HS6ST2: variants seen among roughly 807,000 people sequenced by gnomAD.
HS6ST2 encodes the protein heparan-sulfate 6-O-sulfotransferase 2.
HS6ST2 carries 17 observed loss-of-function variants against 33.0 expected under a neutral mutation model. The ratio of observed to expected loss-of-function variants is 0.52; its 90% CI spans 0.35 to 0.77. The LOEUF (loss-of-function observed/expected upper bound fraction) is 0.77. Among genes scored for constraint, HS6ST2 ranks in the 30% least tolerant of loss-of-function variants. The pLI, the probability that HS6ST2 is intolerant of heterozygous loss-of-function variation, is 0.01. For synonymous variants in HS6ST2, 248 were observed against 237.1 expected (o/e 1.05, Z -0.42); for missense variants, 519 against 551.7 (o/e 0.94, Z 0.59).
chrX:132,898,054 T>C (rs938871850), intron 2 of HS6ST2, among the ~76,000 whole-genome samples: 4 of 110,477 alleles, frequency 3.6e-5, no homozygotes, highest in African/African-American at 1.3e-4. Flanking sequence ...GTGGCGTCAT[T>C]AGATTCTTAT....
At chrX:132,782,417 A>AGAAGGAG (rs1282682340) in intron 2 of HS6ST2, among the ~76,000 whole-genome samples, 34 of 112,009 alleles carry the variant, frequency 3.0e-4, no homozygotes, top group African/African-American at 1.1e-3. Flanking sequence ...CCTCACTTAA[A>AGAAGGAG]GAAGGAGTCT....
intron 2 of HS6ST2, among the ~76,000 whole-genome samples, chrX:132,927,765 G>A (rs778828753): frequency 2.7e-5 from 3 of 109,604 alleles, no homozygotes; most frequent in East Asian, 5.7e-4. Flanking sequence ...GCTGAGAGGG[G>A]AGGATCGCTT....
chrX:132,846,745 T>C (rs1426693890), intron 2 of HS6ST2, among the ~76,000 whole-genome samples: 2 of 110,670 alleles, frequency 1.8e-5, no homozygotes, highest in Non-Finnish European at 3.8e-5. Flanking sequence ...ATTTGGAGAC[T>C]CCATTTGCAG....
intron 4 of HS6ST2, among the ~76,000 whole-genome samples, chrX:132,657,041 G>T (rs2063735330): frequency 9.0e-6 from 1 of 111,584 alleles, no homozygotes; most frequent in South Asian, 3.8e-4. Flanking sequence ...GAATTGGAAT[G>T]AAGAATGGCT....
chrX:132,949,647 T>C (rs1040868693), intron 2 of HS6ST2, among the ~76,000 whole-genome samples: 1 of 111,257 alleles, frequency 9.0e-6, no homozygotes, highest in African/African-American at 3.3e-5. Flanking sequence ...CTGTGTGCAA[T>C]TAATCACAGC....
At chrX:132,859,437 A>G (rs2065886542) in intron 2 of HS6ST2, among the ~76,000 whole-genome samples, 1 of 111,024 alleles carries the variant, frequency 9.0e-6, no homozygotes, top group Non-Finnish European at 1.9e-5. Context: ...TGCAGGATAC[A>G]TGCACTCGAA....
At chrX:132,843,067 T>G (rs747692210) in intron 2 of HS6ST2, among the ~76,000 whole-genome samples, 1 of 111,573 alleles carries the variant, frequency 9.0e-6, no homozygotes, top group Non-Finnish European at 1.9e-5. Context: ...GGAGGTTATC[T>G]CCACCTCCTA....
intron 2 of HS6ST2, among the ~76,000 whole-genome samples, chrX:132,927,877 A>G (rs1196790139): frequency 1.8e-5 from 2 of 110,073 alleles, no homozygotes; most frequent in East Asian, 5.6e-4. Flanking sequence ...AAAAAAAAGA[A>G]AAGAAAAGAA....
chrX:132,723,651 GGTA>G (rs1352856600), intron 2 of HS6ST2, among the ~76,000 whole-genome samples: 1 of 111,118 alleles, frequency 9.0e-6, no homozygotes, highest in Admixed American at 9.6e-5. Flanking sequence ...CAAAAAACTG[GGTA>G]TACAAGGAAC....
At chrX:132,743,267 G>A (rs2064599224) in intron 2 of HS6ST2, among the ~76,000 whole-genome samples, 1 of 112,160 alleles carries the variant, frequency 8.9e-6, no homozygotes. Context: ...CCTTACAATA[G>A]GACCTTGGGG....
intron 2 of HS6ST2, among the ~76,000 whole-genome samples, chrX:132,905,594 C>T (rs1020259810): frequency 5.4e-5 from 6 of 111,623 alleles, no homozygotes; most frequent in Non-Finnish European, 1.1e-4. Context: ...ACTACTACAA[C>T]GCTAACACAA....
rs769062624 is a variant in HS6ST2, at chrX:132,692,332, A to G, written c.980+16130T>C. Among the ~76,000 whole-genome samples the G allele has an allele frequency of 7.2e-5, 8 of 111,283 alleles. No homozygotes were observed. In the East Asian group the frequency reaches 1.7e-3, roughly 24 times the overall value. On this transcript the variant is annotated intron_variant, in intron 3 of 4. Transcript: ENST00000370833. Reference sequence around the variant, plus strand: ...CTTTCACACTGAGAGTTGTTTGCTCAGTGTGGTCAGTGCAGTGATGGTGAG... The same window carrying G: ...CTTTCACACTGAGAGTTGTTTGCTCGGTGTGGTCAGTGCAGTGATGGTGAG...
intron 2 of HS6ST2, among the ~76,000 whole-genome samples, chrX:132,947,379 G>GA (rs745453298): frequency 9.2e-6 from 1 of 109,001 alleles, no homozygotes; most frequent in East Asian, 2.8e-4. Context: ...ATCAATTTCT[G>GA]AAAAAAAATC....
intron 2 of HS6ST2, among the ~76,000 whole-genome samples, chrX:132,919,399 A>C: frequency 8.9e-6 from 1 of 112,340 alleles, no homozygotes; most frequent in Non-Finnish European, 1.9e-5. Context: ...CTAAGAAGAC[A>C]GAAAACAGCA....
chrX:132,880,895 C>T (rs376027803), intron 2 of HS6ST2, among the ~76,000 whole-genome samples: 26 of 108,230 alleles, frequency 2.4e-4, no homozygotes, highest in African/African-American at 6.3e-4. Context: ...TCTGTCCTTG[C>T]GATAGTTTGC....
chrX:132,710,385 C>T lies in HS6ST2; in HGVS notation c.948-1891G>A, dbSNP rs191641025. Among the ~76,000 whole-genome samples, 7 of 111,913 alleles carry T rather than the reference C, an allele frequency of 6.3e-5. No individual in the cohort carries two copies. In the East Asian group the frequency reaches 2.0e-3, roughly 31 times the overall value. On this transcript the variant is annotated intron_variant, in intron 2 of 4. Coordinates refer to ENST00000370833, the MANE Select transcript of HS6ST2 (RefSeq NM_001394073.1). Reference sequence around the variant, plus strand: ...AAATCCTTTAAAAAGGCCCTTTAATCATGATGTTTTATTAAAAAATATTTA... The same window carrying T: ...AAATCCTTTAAAAAGGCCCTTTAATTATGATGTTTTATTAAAAAATATTTA...
intron 2 of HS6ST2, among the ~76,000 whole-genome samples, chrX:132,730,969 T>G (rs2064451331): frequency 8.9e-6 from 1 of 111,990 alleles, no homozygotes; most frequent in Non-Finnish European, 1.9e-5. Flanking sequence ...TAGCTGGGGA[T>G]GGACTCTGTG....
At chrX:132,860,777 C>CTTT (rs58059164) in intron 2 of HS6ST2, among the ~76,000 whole-genome samples, 2 of 52,896 alleles carry the variant, frequency 3.8e-5, no homozygotes, top group Non-Finnish European at 6.5e-5. Flanking sequence ...GCATGTGTAT[C>CTTT]TTTTTTTTTT....
chrX:132,944,783 G>A (rs2066928565), intron 2 of HS6ST2, among the ~76,000 whole-genome samples: 2 of 110,222 alleles, frequency 1.8e-5, no homozygotes, highest in South Asian at 7.9e-4. Flanking sequence ...AATGGTGCTG[G>A]GAAAACTGGC....
Sources: gnomAD v4.1 joint callset for allele counts (sites outside exome capture counted in the v4.1 genomes callset) on GRCh38, gnomAD v4.1.1 for gene constraint, MANE v1.5 for transcripts, NCBI Gene and HGNC (gene_info 2026-07-23, HGNC 2026-07-21) for gene names.